PRRX1: variants seen among roughly 807,000 people sequenced by gnomAD.
PRRX1 encodes paired related homeobox 1.
PRRX1 carries 8 observed loss-of-function variants against 24.0 expected under a neutral mutation model. The observed-to-expected ratio is 0.33, with a 90% CI of 0.20 to 0.60. PRRX1 has a LOEUF of 0.60. Among genes scored for constraint, PRRX1 ranks in the 20% least tolerant of loss-of-function variants. The pLI, the probability that PRRX1 is intolerant of heterozygous loss-of-function variation, is 0.82. For missense variants in PRRX1, 281 were observed against 322.4 expected (o/e 0.87, Z 0.98); for synonymous variants, 160 against 131.7 (o/e 1.22, Z -1.47).
At chr1:170,681,345 G>T (rs1444871024) in intron 1 of PRRX1, among the ~76,000 whole-genome samples, 1 of 152,120 alleles carries the variant, frequency 6.6e-6, no homozygotes, top group Non-Finnish European at 1.5e-5. Context: ...AACTCCAGTG[G>T]CTAGAAAATT....
At chr1:170,703,009 A>C (rs532017745) in intron 1 of PRRX1, among the ~76,000 whole-genome samples, 1 of 152,340 alleles carries the variant, frequency 6.6e-6, no homozygotes, top group African/African-American at 2.4e-5. Context: ...CAGTTTGCAA[A>C]GCCAAATCAA....
At chr1:170,663,420 G>A (rs1558039489), upstream of PRRX1, 2 of 44,040 alleles carry the variant, frequency 4.5e-5, no homozygotes, top group African/African-American at 2.1e-4. Context: ...GCAAGAAGAG[G>A]GGGAGAGAGA....
chr1:170,696,070 G>A (rs1375505010), intron 1 of PRRX1, among the ~76,000 whole-genome samples: 4 of 152,166 alleles, frequency 2.6e-5, no homozygotes, highest in African/African-American at 9.7e-5. Flanking sequence ...CAGAAAAAGA[G>A]ACAGAAGGGA....
chr1:170,721,162 G>A (rs1655073491), intron 2 of PRRX1, among the ~76,000 whole-genome samples: 2 of 152,292 alleles, frequency 1.3e-5, no homozygotes, highest in South Asian at 4.1e-4. Context: ...ATGAATAAGA[G>A]TCTCTTGGCT....
chr1:170,720,606 C>T (rs1302211181), intron 2 of PRRX1, among the ~76,000 whole-genome samples: 2 of 152,082 alleles, frequency 1.3e-5, no homozygotes, highest in Non-Finnish European at 2.9e-5. Flanking sequence ...ATTCTCTGTC[C>T]CCTACCTCAG....
chr1:170,724,237 T>C (rs904128966), intron 2 of PRRX1, among the ~76,000 whole-genome samples: 3 of 152,196 alleles, frequency 2.0e-5, no homozygotes, highest in Admixed American at 6.5e-5. Flanking sequence ...ATTCTGTGGG[T>C]TGCCTGTTCA....
chr1:170,696,081 T>C (rs367722300), intron 1 of PRRX1, among the ~76,000 whole-genome samples: 2 of 152,138 alleles, frequency 1.3e-5, no homozygotes, highest in South Asian at 4.1e-4. Context: ...ACAGAAGGGA[T>C]CAGCATGTGC....
chr1:170,714,767 C>G (rs1468595577), intron 1 of PRRX1, among the ~76,000 whole-genome samples: 1 of 152,112 alleles, frequency 6.6e-6, no homozygotes, highest in Non-Finnish European at 1.5e-5. Flanking sequence ...TTCTTCTCCA[C>G]CTTCCCTCTA....
chr1:170,731,271 T>C (rs969806798), intron 3 of PRRX1, among the ~76,000 whole-genome samples: 10 of 152,196 alleles, frequency 6.6e-5, no homozygotes, highest in African/African-American at 2.4e-4. Context: ...CTGCAACTTC[T>C]ATGCATCACA....
rs758685257 is a variant in PRRX1, at chr1:170,664,446, C to A, written c.228C>A (p.Thr76=). 81 of 1,603,416 alleles carry A rather than the reference C, an allele frequency of 5.1e-5. No individual in the cohort carries two copies. In the South Asian group the frequency reaches 8.0e-4, roughly 16 times the overall value. The part of the protein sequence containing the change: ...ESPGLTSGSD[T]PQQDNDQLNS... Reference sequence around the variant, plus strand: ...CGGGACTCACCAGCGGCAGCGACACCCCGCAGCAGGACAGTGAGTGAGGGG... The same window carrying A: ...CGGGACTCACCAGCGGCAGCGACACACCGCAGCAGGACAGTGAGTGAGGGG... The change falls in exon 1 of 4, where the codon ACC becomes ACA. Residue 76 remains threonine (T), a synonymous_variant. Coordinates refer to ENST00000239461, the MANE Select transcript of PRRX1 (RefSeq NM_022716.4).
At chr1:170,720,049 C>A in intron 2 of PRRX1, 148 bp downstream of exon 2, 1 of 1,084,674 alleles carries the variant, frequency 9.2e-7, no homozygotes, top group African/African-American at 1.6e-5. Context: ...AGGCACATTG[C>A]TTGAGCTCAG....
rs200317434 is a variant in PRRX1 at position 170,673,949 on chromosome 1, T to C, written c.241+9490T>C. ...TCTCTGTATCCATGCTTGTCCTTAA[T>C]GTGTTGGTTACAAAGACTGGATATA... On this transcript the variant is annotated intron_variant, in intron 1 of 3. Coordinates refer to ENST00000239461, the MANE Select transcript of PRRX1 (RefSeq NM_022716.4). Among the ~76,000 whole-genome samples, 4 of 152,254 alleles carry C rather than the reference T, an allele frequency of 2.6e-5. No individual in the cohort carries two copies. The East Asian group carries it at 5.8e-4, about 22-fold the overall frequency.
At chr1:170,698,542 G>A (rs1248849528) in intron 1 of PRRX1, among the ~76,000 whole-genome samples, 4 of 152,106 alleles carry the variant, frequency 2.6e-5, no homozygotes, top group Admixed American at 6.5e-5. Flanking sequence ...GGCCTTTTGC[G>A]TATTAAAATA....
chr1:170,683,052 A>G (rs558660014), intron 1 of PRRX1, among the ~76,000 whole-genome samples: 1 of 152,354 alleles, frequency 6.6e-6, no homozygotes, highest in South Asian at 2.1e-4. Flanking sequence ...TGTAGGGGCT[A>G]GGTGACAGGG....
At chr1:170,724,356 C>A (rs1291246639) in intron 2 of PRRX1, among the ~76,000 whole-genome samples, 1 of 152,148 alleles carries the variant, frequency 6.6e-6, no homozygotes, top group Admixed American at 6.5e-5. Flanking sequence ...GAAATCTTTG[C>A]CCATGCCTAT....
At chr1:170,689,524 A>G (rs1394035141) in intron 1 of PRRX1, among the ~76,000 whole-genome samples, 1 of 152,178 alleles carries the variant, frequency 6.6e-6, no homozygotes, top group African/African-American at 2.4e-5. Context: ...GAGTGGAAAC[A>G]AGGGTGAGTT....
rs1185680180 is a variant in PRRX1 at position 170,664,263 on chromosome 1, G to A, written c.45G>A (p.Leu15=). Residue 15 remains leucine, a synonymous_variant, in exon 1 of 4, where the codon CTG becomes CTA. Transcript: ENST00000239461. ...YGHVLERQPA[L]GGRLDSPGNL... ...ACGTTCTGGAGCGGCAACCGGCGCT[G>A]GGCGGCCGCTTGGACAGCCCGGGCA... 6.2e-7 allele frequency: 1 copy of A among 1,612,782 alleles called. No homozygotes were observed. The highest frequency in any genetic ancestry group is 1.3e-5 in the African/African-American group (1 of 75,024).
rs181370730 is a variant in PRRX1 at position 170,701,521 on chromosome 1, C to G, written c.242-18205C>G. On this transcript the variant is annotated intron_variant, in intron 1 of 3. Coordinates refer to ENST00000239461, the MANE Select transcript of PRRX1 (RefSeq NM_022716.4). ...TCTGATCATTCCATTTCTACTCAGG[C>G]CAAATGTTTTGCTTGTTTTGTTCAA... Among the ~76,000 whole-genome samples the G allele has an allele frequency of 4.6e-5, 7 of 152,186 alleles. No homozygotes were observed. In the East Asian group the frequency reaches 1.4e-3, roughly 29 times the overall value.
At chr1:170,705,039 G>A (rs1248988398) in intron 1 of PRRX1, among the ~76,000 whole-genome samples, 1 of 152,202 alleles carries the variant, frequency 6.6e-6, no homozygotes, top group Non-Finnish European at 1.5e-5. Context: ...TTGGGTCCTA[G>A]TGGAATGGTC....
Sources: gnomAD v4.1 joint callset for allele counts (sites outside exome capture counted in the v4.1 genomes callset) on GRCh38, gnomAD v4.1.1 for gene constraint, MANE v1.5 for transcripts, NCBI Gene and HGNC (gene_info 2026-07-23, HGNC 2026-07-21) for gene names.